HCN1: variants seen among roughly 807,000 people sequenced by gnomAD.
HCN1 encodes the protein potassium/sodium hyperpolarization-activated cyclic nucleotide-gated channel 1.
HCN1 carries 13 observed loss-of-function variants against 78.9 expected under a neutral mutation model. That is an observed-to-expected ratio of 0.16 (90% confidence interval 0.11 to 0.26). The LOEUF is 0.26. Among genes scored for constraint, HCN1 ranks in the 10% least tolerant of loss-of-function variants. The probability of loss-of-function intolerance (pLI) is 1.00; values close to 1 mark genes in which losing one functional copy is unlikely to be tolerated. For missense variants in HCN1, 810 were observed against 1,154.3 expected (o/e 0.70, Z 4.32); for synonymous variants, 552 against 455.5 (o/e 1.21, Z -2.70).
chr5:45,693,489 A>G (rs1176593317), intron 1 of HCN1, among the ~76,000 whole-genome samples: 1 of 152,106 alleles, frequency 6.6e-6, no homozygotes, highest in East Asian at 1.9e-4. Context: ...ACTACTCCAC[A>G]CTGGAATTTA....
intron 2 of HCN1, among the ~76,000 whole-genome samples, chr5:45,586,122 G>A (rs895578626): frequency 6.6e-6 from 1 of 152,166 alleles, no homozygotes; most frequent in Non-Finnish European, 1.5e-5. Flanking sequence ...GCCCCCAGAG[G>A]TGGAGTCTAC....
In HCN1 at chr5:45,565,075, TA is replaced by T. The variant is rs535999710; in HGVS notation, c.849+80109del. 3.0e-4 allele frequency among the ~76,000 whole-genome samples: 45 copies of T among 152,262 alleles called. 1 individual carries two copies. In the East Asian group the frequency reaches 7.1e-3, roughly 24 times the overall value. Reference sequence around the variant, plus strand: ...TATCAGAGAAAAAGCAATGAAAAGGTAAATTAAAATTGAACTGTCAGATTTA... The same window carrying T: ...TATCAGAGAAAAAGCAATGAAAAGGTAATTAAAATTGAACTGTCAGATTTA... On this transcript the variant is annotated intron_variant, in intron 2 of 7. Transcript: ENST00000303230.
chr5:45,463,070 C>A (rs373668924), intron 2 of HCN1, among the ~76,000 whole-genome samples: 11 of 151,902 alleles, frequency 7.2e-5, no homozygotes, highest in African/African-American at 2.7e-4. Context: ...TATTTAGAAT[C>A]ACTTTTTGTA....
At chr5:45,567,768 C>T (rs1743739457) in intron 2 of HCN1, among the ~76,000 whole-genome samples, 1 of 152,042 alleles carries the variant, frequency 6.6e-6, no homozygotes, top group African/African-American at 2.4e-5. Context: ...TGACCCTTCA[C>T]TTGAATGGCC....
chr5:45,606,986 T>A (rs1430601929), intron 2 of HCN1, among the ~76,000 whole-genome samples: 1 of 151,752 alleles, frequency 6.6e-6, no homozygotes, highest in Admixed American at 6.6e-5. Flanking sequence ...ATTTGAGATG[T>A]TAGAAAAGGA....
At chr5:45,434,010 G>A (rs991997126) in intron 3 of HCN1, among the ~76,000 whole-genome samples, 2 of 152,140 alleles carry the variant, frequency 1.3e-5, no homozygotes, top group African/African-American at 4.8e-5. Flanking sequence ...TATTAGTTAA[G>A]CAAATGGAGT....
intron 1 of HCN1, among the ~76,000 whole-genome samples, chr5:45,688,880 A>T (rs950565315): frequency 1.2e-4 from 18 of 152,088 alleles, no homozygotes; most frequent in African/African-American, 4.3e-4. Flanking sequence ...AGAAGCCAAT[A>T]AAAAATACTA....
chr5:45,673,780 C>T (rs1272547195), intron 1 of HCN1, among the ~76,000 whole-genome samples: 1 of 151,532 alleles, frequency 6.6e-6, no homozygotes, highest in African/African-American at 2.4e-5. Flanking sequence ...AATCAAAGGT[C>T]ACAAAATTGA....
chr5:45,350,007 C>T lies in HCN1; in HGVS notation c.1377+3093G>A, dbSNP rs376605122. Reference sequence around the variant, plus strand: ...CCAATCAATAGAAAAAGAGGGAATCCTCCCTAATTCATTTTGTGAGGACAG... The same window carrying T: ...CCAATCAATAGAAAAAGAGGGAATCTTCCCTAATTCATTTTGTGAGGACAG... On this transcript the variant is annotated intron_variant, in intron 5 of 7. Transcript: ENST00000303230. Among the ~76,000 whole-genome samples the T allele has an allele frequency of 2.6e-5, 4 of 152,226 alleles. 1 individual carries two copies. The South Asian group carries it at 8.3e-4, about 32-fold the overall frequency.
chr5:45,371,935 T>A (rs1385868300), intron 4 of HCN1, among the ~76,000 whole-genome samples: 1 of 101,618 alleles, frequency 9.8e-6, no homozygotes, highest in Non-Finnish European at 1.8e-5. Context: ...CATTATATTA[T>A]ATATAATATA....
At chr5:45,339,645 C>T (rs956169771) in intron 5 of HCN1, among the ~76,000 whole-genome samples, 3 of 152,090 alleles carry the variant, frequency 2.0e-5, no homozygotes, top group Admixed American at 6.6e-5. Context: ...AATATGGTAG[C>T]TCTGTAATGG....
At chr5:45,685,645 G>C (rs1195165859) in intron 1 of HCN1, among the ~76,000 whole-genome samples, 1 of 152,094 alleles carries the variant, frequency 6.6e-6, no homozygotes, top group African/African-American at 2.4e-5. Flanking sequence ...ACAGGAGGCA[G>C]AGGTTGCGGT....
intron 2 of HCN1, among the ~76,000 whole-genome samples, chr5:45,490,498 A>T (rs952600376): frequency 2.6e-5 from 4 of 152,108 alleles, no homozygotes; most frequent in African/African-American, 9.7e-5. Context: ...CATTCTTACC[A>T]AACTGCTTCT....
intron 4 of HCN1, among the ~76,000 whole-genome samples, chr5:45,373,945 T>G (rs1238611243): frequency 1.5e-4 from 18 of 121,874 alleles, no homozygotes; most frequent in African/African-American, 4.9e-4. Flanking sequence ...ACATACGGTA[T>G]ATACATCATA....
intron 2 of HCN1, among the ~76,000 whole-genome samples, chr5:45,525,125 T>G (rs1742707796): frequency 6.6e-6 from 1 of 152,194 alleles, no homozygotes; most frequent in Non-Finnish European, 1.5e-5. Context: ...TCGTGGTTTT[T>G]GTCTTTGGTT....
At chr5:45,412,777 G>A (rs1243058818) in intron 3 of HCN1, among the ~76,000 whole-genome samples, 1 of 151,994 alleles carries the variant, frequency 6.6e-6, no homozygotes. Context: ...GGTGAGCACG[G>A]ATTGACAAAG....
intron 4 of HCN1, among the ~76,000 whole-genome samples, chr5:45,378,519 C>T (rs923235950): frequency 4.6e-5 from 7 of 152,074 alleles, no homozygotes; most frequent in African/African-American, 9.7e-5. Context: ...AATTTAAGCA[C>T]CCCTATCTCC....
intron 2 of HCN1, among the ~76,000 whole-genome samples, chr5:45,552,877 C>G (rs747560210): frequency 2.0e-5 from 3 of 151,836 alleles, no homozygotes. Context: ...AAGGAAGACA[C>G]TGGGAATACG....
intron 6 of HCN1, among the ~76,000 whole-genome samples, chr5:45,279,376 G>A (rs372674971): frequency 6.6e-6 from 1 of 152,086 alleles, no homozygotes; most frequent in Non-Finnish European, 1.5e-5. Context: ...TGTTGAAACC[G>A]TGTTCAAAGA....
Sources: gnomAD v4.1 joint callset for allele counts (sites outside exome capture counted in the v4.1 genomes callset) on GRCh38, gnomAD v4.1.1 for gene constraint, MANE v1.5 for transcripts, NCBI Gene and HGNC (gene_info 2026-07-23, HGNC 2026-07-21) for gene names.